Variants in EGFR observed in about 807,000 individuals in gnomAD.
EGFR encodes the protein avian erythroblastic leukemia viral (v-erb-b) oncogene homolog.
A neutral mutation model predicts 143.0 loss-of-function variants in EGFR; 58 were observed. The ratio of observed to expected loss-of-function variants is 0.41; its 90% confidence interval spans 0.33 to 0.50. The LOEUF (loss-of-function observed/expected upper bound fraction) is 0.50, where lower values mean the gene tolerates loss of function less well. Among genes scored for constraint, EGFR ranks in the 20% least tolerant of loss-of-function variants. EGFR has a pLI of 0.39. For synonymous variants in EGFR, 613 were observed against 594.4 expected, an observed-to-expected ratio of 1.03 and a Z score of -0.45; for missense variants, 1,307 against 1,579.0, an observed-to-expected ratio of 0.83 and a Z score of 2.92.
chr7:55,150,029 C>T (rs17289739), intron 4 of EGFR, among the ~76,000 whole-genome samples: 8 of 152,124 alleles, frequency 5.3e-5, no homozygotes, highest in Non-Finnish European at 7.4e-5. Context: ...ATATTTTATA[C>T]GATGTGCCTG....
intron 15 of EGFR, 68 bp downstream of exon 15, chr7:55,165,505 CA>C (rs1341199108): frequency 1.4e-5 from 22 of 1,551,382 alleles, no homozygotes; most frequent in Admixed American, 1.9e-5. Flanking sequence ...AAATGTCTCC[CA>C]AGTTTTCCGG....
intron 17 of EGFR, 45 bp downstream of exon 17, chr7:55,173,169 C>T (rs768107318): frequency 1.2e-6 from 2 of 1,601,408 alleles, no homozygotes; most frequent in South Asian, 1.1e-5. Flanking sequence ...CGCACCCCGA[C>T]AGGAACAAGG....
chr7:55,046,359 A>G (rs1562666248), intron 1 of EGFR, among the ~76,000 whole-genome samples: 1 of 152,180 alleles, frequency 6.6e-6, no homozygotes, highest in African/African-American at 2.4e-5. Flanking sequence ...TCTGCTCTCT[A>G]CAAGGGGATA....
At chr7:55,134,286 T>C (rs191422735) in intron 1 of EGFR, among the ~76,000 whole-genome samples, 127 of 57,388 alleles carry the variant, frequency 2.2e-3, no homozygotes, top group Non-Finnish European at 3.0e-3. Context: ...GGACTCAGGA[T>C]TCAGTGAGGC....
chr7:55,061,413 A>G (rs532475050), intron 1 of EGFR, among the ~76,000 whole-genome samples: 18 of 152,318 alleles, frequency 1.2e-4, no homozygotes, highest in Admixed American at 8.5e-4. Context: ...TGTCTGTATC[A>G]GTACAATTCT....
intron 1 of EGFR, among the ~76,000 whole-genome samples, chr7:55,139,142 A>G (rs1794318282): frequency 6.6e-6 from 1 of 152,202 alleles, no homozygotes. Context: ...AAACACATTC[A>G]AACCACAGCA....
In EGFR at chr7:55,174,005, A is replaced by C; in HGVS notation, c.2146A>C (p.Lys716Gln). 6.2e-7 allele frequency: 1 copy of C among 1,614,262 alleles called. No homozygotes were observed. The highest frequency in any genetic ancestry group is 8.5e-7 in the Non-Finnish European group (1 of 1,180,054). The change falls in exon 18 of 28, where the codon AAA becomes CAA. Residue 716 changes from lysine to glutamine, a missense_variant. Lys to Gln is a moderately conservative substitution (Grantham distance 53, BLOSUM62 1). Around this residue, in one of 7 missense-constraint regions of EGFR, gnomAD observed 348 missense variants for 451.5 expected, o/e 0.77. Transcript: ENST00000275493. ...ILKETEFKKI[K>Q]VLGSGAFGTV... ...GAAGGAAACTGAATTCAAAAAGATC[A>C]AAGTGCTGGGCTCCGGTGCGTTCGG...
chr7:55,114,085 A>G (rs1454229920), intron 1 of EGFR, among the ~76,000 whole-genome samples: 2 of 152,262 alleles, frequency 1.3e-5, no homozygotes, highest in African/African-American at 4.8e-5. Context: ...AAAGTAAGAC[A>G]TGGGCACTCT....
chr7:55,139,612 C>G (rs927347029), intron 1 of EGFR, among the ~76,000 whole-genome samples: 1 of 152,136 alleles, frequency 6.6e-6, no homozygotes, highest in Non-Finnish European at 1.5e-5. Context: ...GATTGACATG[C>G]CTTATATTGA....
chr7:55,127,911 C>T (rs1793622865), intron 1 of EGFR, among the ~76,000 whole-genome samples: 2 of 152,350 alleles, frequency 1.3e-5, no homozygotes, highest in South Asian at 4.1e-4. Flanking sequence ...CTGGAAACCA[C>T]CTCACATGGT....
In EGFR at chr7:55,157,700, G is replaced by T. The variant is rs774121381; in HGVS notation, c.1245G>T (p.Thr415=). The T allele has an allele frequency of 6.2e-7, 1 of 1,614,208 alleles. No individual in the cohort carries two copies. Among genetic ancestry groups the T allele is most frequent in the South Asian group, 1.1e-5 (1 of 91,086 alleles). Reference sequence around the variant, plus strand: ...TTCAGGCTTGGCCTGAAAACAGGACGGACCTCCATGCCTTTGAGAACCTAG... The same window carrying T: ...TTCAGGCTTGGCCTGAAAACAGGACTGACCTCCATGCCTTTGAGAACCTAG... ...LLIQAWPENR[T]DLHAFENLEI... The change falls in exon 11 of 28, where the codon ACG becomes ACT. Residue 415 remains threonine (T), a synonymous_variant. Coordinates refer to ENST00000275493, the MANE Select transcript of EGFR (RefSeq NM_005228.5).
At chr7:55,168,587 T>G in intron 15 of EGFR, 1 of 1,611,164 alleles carries the variant, frequency 6.2e-7, no homozygotes, top group Non-Finnish European at 8.5e-7. Flanking sequence ...TTTCTACAAT[T>G]TCAATTTCTC....
chr7:55,048,762 G>A (rs777949987), intron 1 of EGFR, among the ~76,000 whole-genome samples: 3 of 152,204 alleles, frequency 2.0e-5, no homozygotes, highest in East Asian at 3.9e-4. Context: ...GTATGGTACT[G>A]TCTGTGGCAC....
intron 1 of EGFR, among the ~76,000 whole-genome samples, chr7:55,059,557 T>C (rs1340992219): frequency 1.3e-5 from 2 of 152,074 alleles, no homozygotes; most frequent in Non-Finnish European, 2.9e-5. Context: ...ATGACATGCA[T>C]TCACCATTAC....
intron 1 of EGFR, among the ~76,000 whole-genome samples, chr7:55,134,902 G>A (rs367891136): frequency 2.0e-5 from 3 of 152,062 alleles, no homozygotes; most frequent in South Asian, 2.1e-4. Flanking sequence ...TGTGAAATTC[G>A]CCGAGCTGGC....
At chr7:55,090,692 C>T (rs1170980159) in intron 1 of EGFR, among the ~76,000 whole-genome samples, 1 of 152,086 alleles carries the variant, frequency 6.6e-6, no homozygotes, top group Non-Finnish European at 1.5e-5. Flanking sequence ...CAAAAAATGG[C>T]CAGGCTTGTC....
chr7:55,156,388 AGT>A, intron 8 of EGFR, 143 bp from the exon 9 acceptor site: 1 of 1,189,148 alleles, frequency 8.4e-7, no homozygotes, highest in Non-Finnish European at 1.2e-6. Context: ...CAGCCCCTTC[AGT>A]GTTTGTTGAG....
At chr7:55,179,674 A>G (rs186506655) in intron 19 of EGFR, 1 of 152,270 alleles carries the variant, frequency 6.6e-6, no homozygotes, top group Non-Finnish European at 1.5e-5. Flanking sequence ...GTAAATATTT[A>G]CAGTTTGCCC....
intron 2 of EGFR, among the ~76,000 whole-genome samples, chr7:55,142,903 A>G (rs1472376382): frequency 6.6e-6 from 1 of 152,170 alleles, no homozygotes; most frequent in Non-Finnish European, 1.5e-5. Flanking sequence ...TCAGAGTTTC[A>G]CTGAATTTTG....
Sources: gnomAD v4.1 joint callset for allele counts (sites outside exome capture counted in the v4.1 genomes callset) on GRCh38, gnomAD v4.1.1 for gene constraint, gnomAD v4.1.1 regional missense constraint, MANE v1.5 for transcripts, NCBI Gene and HGNC (gene_info 2026-07-23, HGNC 2026-07-21) for gene names.